Variants in AFF1 observed in about 807,000 individuals in gnomAD.
AFF1 encodes AF4/FMR2 family member 1.
Under a neutral mutation model 121.7 loss-of-function variants are expected in AFF1, and 48 were observed. The observed-to-expected ratio is 0.39, with a 90% CI of 0.31 to 0.50. The LOEUF is 0.50. AFF1 is among the 20% of genes least tolerant of loss of function. AFF1 has a pLI of 0.76. For missense variants in AFF1, 1,523 were observed against 1,511.7 expected (o/e 1.01, Z -0.12); for synonymous variants, 613 against 563.0 (o/e 1.09, Z -1.26).
At chr4:87,010,947 C>T (rs4693801) in intron 2 of AFF1, among the ~76,000 whole-genome samples, 24,277 of 151,946 alleles carry the variant, frequency 0.16, 2,459 homozygotes, top group East Asian at 0.32. Flanking sequence ...GGTGCGGTGG[C>T]GGGCGCCTGT....
intron 4 of AFF1, among the ~76,000 whole-genome samples, chr4:87,073,632 C>T (rs915919917): frequency 4.6e-5 from 7 of 152,156 alleles, no homozygotes; most frequent in Non-Finnish European, 5.9e-5. Flanking sequence ...TCAGACAAAG[C>T]GTGGATTAAA....
At chr4:86,995,093 T>C (rs1725012448) in intron 2 of AFF1, among the ~76,000 whole-genome samples, 1 of 151,932 alleles carries the variant, frequency 6.6e-6, no homozygotes, top group Non-Finnish European at 1.5e-5. Context: ...ATTAGCCAGG[T>C]GTGGTGTTGT....
At chr4:86,996,102 G>C (rs1578924504) in intron 2 of AFF1, among the ~76,000 whole-genome samples, 1 of 151,664 alleles carries the variant, frequency 6.6e-6, no homozygotes, top group Admixed American at 6.6e-5. Context: ...GAGGGAGGTG[G>C]GGGGGTCAGG....
chr4:87,058,019 G>A (rs1201352082), intron 4 of AFF1, among the ~76,000 whole-genome samples: 2 of 152,034 alleles, frequency 1.3e-5, no homozygotes, highest in African/African-American at 2.4e-5. Context: ...AAAAATGTAC[G>A]CACTCTAAAA....
rs1560673019 is a variant in AFF1 at position 87,138,491 on chromosome 4, G to A, written c.*2790G>A. ...TAAATCTTGCCTTTGGCACTACAAG[G>A]TGTGTGTGTGTGTGTGTGTGTGTGT... On this transcript the variant is annotated 3_prime_UTR_variant, in exon 21 of 21. Coordinates refer to ENST00000395146, the MANE Select transcript of AFF1 (RefSeq NM_001166693.3). The A allele has an allele frequency of 4.5e-5, 1 of 22,342 alleles. No homozygotes were observed. 1.4% of individuals were successfully genotyped at this position (22,342 alleles called of 1,614,324 possible).
At chr4:87,042,808 G>C (rs1057351482) in intron 2 of AFF1, among the ~76,000 whole-genome samples, 3 of 152,156 alleles carry the variant, frequency 2.0e-5, no homozygotes, top group African/African-American at 7.2e-5. Context: ...ACCAGTGTTA[G>C]GAATTCTGTG....
chr4:86,935,289 C>A (rs1748359622), intron 1 of AFF1, 49 bp downstream of exon 1: 1 of 152,462 alleles, frequency 6.6e-6, no homozygotes, highest in South Asian at 2.1e-4. Context: ...TCCGCCCGGC[C>A]CCCGACGCCG....
chr4:86,995,350 C>T lies in AFF1; in HGVS notation c.38+46779C>T, dbSNP rs1578921597. On this transcript the variant is annotated intron_variant, in intron 2 of 20. Coordinates refer to ENST00000395146, the MANE Select transcript of AFF1 (RefSeq NM_001166693.3). ...CTCTCCCTCTCTTTCCACGGTCTCCCTCTGATGCCGAGCCGAAGCTGGACG... is the reference window on the plus strand; with the variant it reads ...CTCTCCCTCTCTTTCCACGGTCTCCTTCTGATGCCGAGCCGAAGCTGGACG... Among the ~76,000 whole-genome samples, 4 of 141,670 alleles carry T rather than the reference C, an allele frequency of 2.8e-5. No individual in the cohort carries two copies. In the South Asian group the frequency reaches 9.4e-4, roughly 33 times the overall value. 92.9% of individuals were successfully genotyped at this position (141,670 alleles called of 152,430 possible). A position where few individuals can be genotyped will look rare whatever the true frequency, so the allele number is the denominator to read the frequency against.
chr4:87,071,843 G>GGAAAATTCA (rs1722092811), intron 4 of AFF1, among the ~76,000 whole-genome samples: 1 of 152,146 alleles, frequency 6.6e-6, no homozygotes, highest in Non-Finnish European at 1.5e-5. Flanking sequence ...GGAAGAATCA[G>GGAAAATTCA]GAAAGATAGT....
chr4:86,939,798 C>T lies in AFF1; in HGVS notation c.-37+4558C>T, dbSNP rs148222970. Among the ~76,000 whole-genome samples the T allele has an allele frequency of 8.5e-5, 13 of 152,284 alleles. 1 individual carries two copies. The East Asian group carries it at 2.3e-3, about 27-fold the overall frequency. On this transcript the variant is annotated intron_variant, in intron 1 of 20. Transcript: ENST00000395146. ...AAAACACAGGTGTGCTCCTCTTACC[C>T]GTCCCCCGAGTTTCTGATGCAGCAG...
At chr4:87,010,908 C>T (rs1726671882) in intron 2 of AFF1, among the ~76,000 whole-genome samples, 1 of 151,920 alleles carries the variant, frequency 6.6e-6, no homozygotes, top group Admixed American at 6.6e-5. Flanking sequence ...AACCCCATCT[C>T]TACTAAAAAT....
intron 2 of AFF1, among the ~76,000 whole-genome samples, chr4:87,043,888 A>G (rs1281536508): frequency 6.6e-6 from 1 of 151,708 alleles, no homozygotes. Context: ...GTGCGATCTC[A>G]GCTCACTGCA....
rs2149807954 is a variant in AFF1, at chr4:87,135,562, GTTTTGTTTT to G, written c.3536-12_3536-4del. On this transcript the variant is annotated splice_polypyrimidine_tract_variant and intron_variant, in intron 20 of 20. Transcript: ENST00000395146. ...TTGTGTATTTACTTGTTTTTGTTTT[GTTTTGTTTT>G]TTTTGCAGAATTCTTTGCTCGGCTC... 3 of 1,472,554 alleles carry G rather than the reference GTTTTGTTTT, an allele frequency of 2.0e-6. No individual in the cohort carries two copies. The East Asian group carries it at 7.3e-5, about 36-fold the overall frequency. 91.2% of individuals were successfully genotyped at this position (1,472,554 alleles called of 1,614,324 possible).
intron 8 of AFF1, among the ~76,000 whole-genome samples, chr4:87,096,112 C>T (rs1044308266): frequency 7.9e-5 from 12 of 152,038 alleles, no homozygotes; most frequent in African/African-American, 2.9e-4. Flanking sequence ...CCTTAATGTA[C>T]TTTGTGAAAT....
intron 4 of AFF1, among the ~76,000 whole-genome samples, chr4:87,060,723 C>T (rs538940727): frequency 2.4e-4 from 36 of 151,694 alleles, no homozygotes; most frequent in Admixed American, 1.7e-3. Context: ...CCTGTACTCC[C>T]GGCTTCTGGG....
intron 5 of AFF1, among the ~76,000 whole-genome samples, chr4:87,087,133 A>T (rs987399073): frequency 6.6e-6 from 1 of 152,242 alleles, no homozygotes; most frequent in African/African-American, 2.4e-5. Flanking sequence ...ATGTGGTACC[A>T]GCAAGCATTA....
At chr4:87,001,010 A>T (rs917818070) in intron 2 of AFF1, among the ~76,000 whole-genome samples, 1 of 152,126 alleles carries the variant, frequency 6.6e-6, no homozygotes, top group African/African-American at 2.4e-5. Context: ...GTATATAGTC[A>T]GGCATAGGCA....
intron 10 of AFF1, among the ~76,000 whole-genome samples, chr4:87,106,148 T>C (rs378560): frequency 0.98 from 148,788 of 151,922 alleles, 72,938 homozygotes; most frequent in East Asian, 1. Flanking sequence ...TTTGGGAGGC[T>C]GAGGTGGGCA....
At chr4:87,110,068 TAAG>T (rs564813080) in intron 11 of AFF1, among the ~76,000 whole-genome samples, 39 of 152,338 alleles carry the variant, frequency 2.6e-4, no homozygotes, top group African/African-American at 8.2e-4. Flanking sequence ...AATTCCATAA[TAAG>T]CTGTACATAC....
Sources: allele counts gnomAD v4.1 joint callset (sites outside exome capture counted in the v4.1 genomes callset), GRCh38; gene constraint gnomAD v4.1.1; transcripts MANE v1.5; gene names NCBI Gene and HGNC (gene_info 2026-07-23, HGNC 2026-07-21).